Variants in BCO1 observed in about 807,000 individuals in gnomAD.
BCO1 encodes the protein beta,beta-carotene 15,15'-dioxygenase.
BCO1 carries 54 observed loss-of-function variants against 56.3 expected under a neutral mutation model. The observed-to-expected ratio is 0.96, with a 90% CI of 0.77 to 1.20. The LOEUF is 1.20. Ranked by LOEUF, BCO1 falls within the 50% of genes most tolerant of loss-of-function variation. The probability of loss-of-function intolerance (pLI) is 0.00; values close to 1 mark genes in which losing one functional copy is unlikely to be tolerated. For synonymous variants in BCO1, 318 were observed against 266.1 expected (o/e 1.20, Z -1.90); for missense variants, 801 against 690.9 (o/e 1.16, Z -1.79).
intron 7 of BCO1, among the ~76,000 whole-genome samples, chr16:81,280,171 G>C (rs778581758): frequency 6.7e-6 from 1 of 149,372 alleles, no homozygotes; most frequent in East Asian, 2.0e-4. Context: ...GCTGAGGCAG[G>C]AGAATCGATT....
chr16:81,288,422 C>T (rs983326033), intron 10 of BCO1, among the ~76,000 whole-genome samples: 4 of 152,096 alleles, frequency 2.6e-5, no homozygotes, highest in African/African-American at 9.7e-5. Context: ...ACCACCATGC[C>T]TAGCTCATTC....
At chr16:81,243,902 C>A (rs1196186507) in intron 1 of BCO1, among the ~76,000 whole-genome samples, 1 of 152,240 alleles carries the variant, frequency 6.6e-6, no homozygotes, top group Non-Finnish European at 1.5e-5. Context: ...ATAAATGGGG[C>A]ATTGTCGAGC....
At chr16:81,256,300 G>A (rs761324152) in intron 2 of BCO1, among the ~76,000 whole-genome samples, 1 of 152,198 alleles carries the variant, frequency 6.6e-6, no homozygotes, top group Non-Finnish European at 1.5e-5. Flanking sequence ...GGCACTGGGC[G>A]AGAATTTCTT....
intron 2 of BCO1, among the ~76,000 whole-genome samples, chr16:81,257,681 G>A (rs1267211385): frequency 1.3e-5 from 2 of 151,866 alleles, no homozygotes; most frequent in African/African-American, 4.8e-5. Context: ...TTCGAGACCA[G>A]TCTGACCAAC....
chr16:81,273,269 C>T (rs919377977), intron 7 of BCO1, among the ~76,000 whole-genome samples: 2 of 152,158 alleles, frequency 1.3e-5, no homozygotes, highest in Admixed American at 1.3e-4. Context: ...AGGCATGAGC[C>T]ACCGTGGCCG....
At chr16:81,270,946 G>A (rs989870624) in intron 7 of BCO1, among the ~76,000 whole-genome samples, 7 of 151,746 alleles carry the variant, frequency 4.6e-5, no homozygotes, top group East Asian at 3.9e-4. Context: ...GGGTTTCACC[G>A]TGTTAGCCAG....
At chr16:81,257,253 T>C (rs1230401302) in intron 2 of BCO1, among the ~76,000 whole-genome samples, 2 of 152,004 alleles carry the variant, frequency 1.3e-5, no homozygotes, top group Admixed American at 1.3e-4. Context: ...TTTTTTGTTG[T>C]TGTTGCGTTT....
At position 81,264,205 on chromosome 16, in the gene BCO1, C is replaced by A. The variant is rs145507662; in HGVS notation, c.472-435C>A. 2.5e-3 allele frequency: 672 copies of A among 265,126 alleles called. 13 individuals carry two copies. The highest frequency in any genetic ancestry group is 0.021 in the South Asian group (437 of 21,012). 16.4% of individuals were successfully genotyped at this position (265,126 alleles called of 1,614,324 possible). ...GCAATGCAAAAGGGCAGAATTTAAG[C>A]CAGAATGACAGAACTGTGGCCAAGA... On this transcript the variant is annotated intron_variant, in intron 4 of 10. Transcript: ENST00000258168.
At chr16:81,254,326 T>G (rs1361284305) in intron 2 of BCO1, among the ~76,000 whole-genome samples, 1 of 136,350 alleles carries the variant, frequency 7.3e-6, no homozygotes, top group African/African-American at 2.8e-5. Context: ...TTTTTTTGTA[T>G]TTTTAGTAGA....
At chr16:81,274,188 T>G (rs1206089010) in intron 7 of BCO1, among the ~76,000 whole-genome samples, 1 of 151,976 alleles carries the variant, frequency 6.6e-6, no homozygotes, top group Admixed American at 6.5e-5. Context: ...TACAAGATTT[T>G]ATAACCTTTT....
chr16:81,252,052 C>T (rs1905840230), intron 2 of BCO1, among the ~76,000 whole-genome samples: 4 of 151,986 alleles, frequency 2.6e-5, no homozygotes, highest in Admixed American at 2.6e-4. Context: ...ATGGAGGCTC[C>T]TTCTGTAATC....
chr16:81,280,320 CACAG>C (rs773820834), intron 7 of BCO1, among the ~76,000 whole-genome samples: 10,353 of 35,612 alleles, frequency 0.29, 1,566 homozygotes, highest in Non-Finnish European at 0.47. Flanking sequence ...TACACACACA[CACAG>C]ACACACACAC....
At chr16:81,273,231 C>T (rs1224600426) in intron 7 of BCO1, among the ~76,000 whole-genome samples, 3 of 152,152 alleles carry the variant, frequency 2.0e-5, no homozygotes, top group African/African-American at 7.2e-5. Context: ...TATCCACCCA[C>T]CTCGGCCTTC....
chr16:81,258,319 T>C (rs191281375), intron 2 of BCO1, among the ~76,000 whole-genome samples: 1 of 152,214 alleles, frequency 6.6e-6, no homozygotes, highest in African/African-American at 2.4e-5. Context: ...CTCAATGGAC[T>C]GGTCAAGAGA....
At chr16:81,245,724 C>A in intron 2 of BCO1, 121 bp downstream of exon 2, 2 of 1,310,624 alleles carry the variant, frequency 1.5e-6, no homozygotes, top group Admixed American at 2.0e-5. Context: ...TCGGGTCTCA[C>A]TGAACTGAAA....
intron 5 of BCO1, among the ~76,000 whole-genome samples, chr16:81,266,808 C>A: frequency 6.6e-6 from 1 of 152,114 alleles, no homozygotes; most frequent in South Asian, 2.1e-4. Flanking sequence ...CGACTCATGC[C>A]CCATCCTGCT....
rs1035215113 is a variant in BCO1 at position 81,244,464 on chromosome 16, T to C, written c.65-1011T>C. On this transcript the variant is annotated intron_variant, in intron 1 of 10. Coordinates refer to ENST00000258168, the MANE Select transcript of BCO1 (RefSeq NM_017429.3). ...TTCATACTAAGTCTTTGAAATCTGG[T>C]GTATATTTCATTCTTATAGCACATG... Among the ~76,000 whole-genome samples the C allele has an allele frequency of 4.1e-5, 6 of 145,808 alleles. 1 individual carries two copies. Among genetic ancestry groups the C allele is most frequent in the Non-Finnish European group, 9.4e-5 (6 of 63,858 alleles).
chr16:81,245,412 A>G, intron 1 of BCO1, 63 bp from the exon 2 acceptor site: 1 of 1,613,390 alleles, frequency 6.2e-7, no homozygotes, highest in East Asian at 2.2e-5. Flanking sequence ...TTCCATGACC[A>G]TTTCTTCCAG....
chr16:81,281,391 A>G (rs1907873852), intron 8 of BCO1, among the ~76,000 whole-genome samples: 1 of 152,200 alleles, frequency 6.6e-6, no homozygotes, highest in Non-Finnish European at 1.5e-5. Context: ...GATTGCAGTG[A>G]GTTGAGATTG....
Sources: allele counts gnomAD v4.1 joint callset (sites outside exome capture counted in the v4.1 genomes callset), GRCh38; gene constraint gnomAD v4.1.1; transcripts MANE v1.5; gene names NCBI Gene and HGNC (gene_info 2026-07-23, HGNC 2026-07-21).